Variants in GRID2 observed in about 807,000 individuals in gnomAD.
GRID2 encodes glutamate receptor ionotropic, delta-2.
A neutral mutation model predicts 114.8 loss-of-function variants in GRID2; 33 were observed. The ratio of observed to expected loss-of-function variants is 0.29; its 90% CI spans 0.22 to 0.38. The LOEUF (loss-of-function observed/expected upper bound fraction) is 0.38, where lower values mean the gene tolerates loss of function less well. Ranked by LOEUF, GRID2 falls within the 10% of genes least tolerant of loss-of-function variation. GRID2 has a pLI of 1.00. For missense variants in GRID2, 1,184 were observed against 1,257.7 expected, an observed-to-expected ratio of 0.94 and a Z score of 0.89; for synonymous variants, 505 against 449.9, an observed-to-expected ratio of 1.12 and a Z score of -1.55.
chr4:92,573,060 C>T (rs779789677), intron 1 of GRID2, among the ~76,000 whole-genome samples: 59 of 151,818 alleles, frequency 3.9e-4, no homozygotes, highest in Non-Finnish European at 7.2e-4. Flanking sequence ...GGAGAGTGTA[C>T]GTTTCCAGGA....
At chr4:92,422,471 G>A (rs1458450664) in intron 1 of GRID2, among the ~76,000 whole-genome samples, 1 of 152,020 alleles carries the variant, frequency 6.6e-6, no homozygotes, top group Non-Finnish European at 1.5e-5. Flanking sequence ...GTCTCCCCAA[G>A]CATTCAGGAA....
At chr4:93,060,104 G>A (rs1578873461) in intron 2 of GRID2, among the ~76,000 whole-genome samples, 3 of 152,108 alleles carry the variant, frequency 2.0e-5, no homozygotes, top group Middle Eastern at 6.8e-3. Context: ...CATGGAGAGA[G>A]TTTGCTTTGG....
In GRID2 at chr4:93,315,185, A is replaced by G. The variant is rs151330246; in HGVS notation, c.1245+76695A>G. On this transcript the variant is annotated intron_variant, in intron 8 of 15. Transcript: ENST00000282020. ...TGAGAATTCACTCACCATCACAAGA[A>G]CAGCATGAGGGGAAACTGCCCCCAT... 3.8e-3 allele frequency among the ~76,000 whole-genome samples: 582 copies of G among 152,188 alleles called. 4 individuals carry two copies. The highest frequency in any genetic ancestry group is 0.013 in the African/African-American group (554 of 41,520).
chr4:92,450,749 A>G (rs1278874787), intron 1 of GRID2, among the ~76,000 whole-genome samples: 1 of 150,956 alleles, frequency 6.6e-6, no homozygotes, highest in South Asian at 2.1e-4. Flanking sequence ...CTTTATGTTG[A>G]TCTGTGTCAA....
At chr4:93,533,297 C>CCTTCTTTCCTTT (rs2149516624) in intron 13 of GRID2, among the ~76,000 whole-genome samples, 2 of 132,386 alleles carry the variant, frequency 1.5e-5, no homozygotes, top group South Asian at 4.6e-4. Flanking sequence ...TTCCTTCCTT[C>CCTTCTTTCCTTT]CTTCCTTCCT....
At chr4:93,054,775 T>G (rs1467195527) in intron 2 of GRID2, among the ~76,000 whole-genome samples, 1 of 151,844 alleles carries the variant, frequency 6.6e-6, no homozygotes, top group Non-Finnish European at 1.5e-5. Flanking sequence ...TTCACATTCC[T>G]TTGAAATCTG....
At chr4:92,774,660 A>AG (rs1183135848) in intron 2 of GRID2, among the ~76,000 whole-genome samples, 3 of 147,540 alleles carry the variant, frequency 2.0e-5, no homozygotes, top group Middle Eastern at 3.5e-3. Flanking sequence ...CAGTGGTGCA[A>AG]TCATGGCTCA....
At chr4:92,773,549 C>T (rs1738634964) in intron 2 of GRID2, among the ~76,000 whole-genome samples, 2 of 151,876 alleles carry the variant, frequency 1.3e-5, no homozygotes, top group Non-Finnish European at 1.5e-5. Flanking sequence ...GTCTTTCTAC[C>T]TTCTTTTAAA....
chr4:93,511,270 A>G (rs1421157651), intron 12 of GRID2, among the ~76,000 whole-genome samples: 1 of 152,074 alleles, frequency 6.6e-6, no homozygotes, highest in Non-Finnish European at 1.5e-5. Flanking sequence ...AAAGAGTTTC[A>G]GTGTTTATTG....
intron 2 of GRID2, among the ~76,000 whole-genome samples, chr4:92,783,328 A>C (rs1310918173): frequency 2.0e-5 from 3 of 152,218 alleles, no homozygotes; most frequent in South Asian, 4.1e-4. Context: ...TTACAGTTAG[A>C]AGTGTAGATT....
intron 14 of GRID2, among the ~76,000 whole-genome samples, chr4:93,654,189 C>G (rs1488145990): frequency 1.3e-5 from 2 of 152,106 alleles, no homozygotes; most frequent in Non-Finnish European, 2.9e-5. Flanking sequence ...TCTTCTTAAA[C>G]CATGTGTGAC....
chr4:92,390,440 C>T (rs1388089933), intron 1 of GRID2, among the ~76,000 whole-genome samples: 1 of 152,134 alleles, frequency 6.6e-6, no homozygotes, highest in Non-Finnish European at 1.5e-5. Context: ...AAGGGTGGCT[C>T]TCCCTTGGTC....
intron 8 of GRID2, among the ~76,000 whole-genome samples, chr4:93,294,802 G>A (rs1445134276): frequency 6.6e-6 from 1 of 151,916 alleles, no homozygotes; most frequent in Non-Finnish European, 1.5e-5. Flanking sequence ...TCAGGTGATC[G>A]GCCCGCCTCA....
At chr4:92,800,614 T>C (rs1279762260) in intron 2 of GRID2, among the ~76,000 whole-genome samples, 3 of 151,972 alleles carry the variant, frequency 2.0e-5, no homozygotes. Context: ...ACTGGCATCA[T>C]ATTCACTTTT....
intron 2 of GRID2, among the ~76,000 whole-genome samples, chr4:92,936,862 T>G (rs1750712503): frequency 6.8e-6 from 1 of 146,926 alleles, no homozygotes; most frequent in African/African-American, 2.4e-5. Context: ...GTTTGAATTT[T>G]GTTTTTTATT....
rs1741292265 is a variant in GRID2, at chr4:93,194,518, ACT to A, written c.736-12885_736-12884del. Among the ~76,000 whole-genome samples the A allele has an allele frequency of 2.0e-5, 3 of 152,086 alleles. No homozygotes were observed. In the South Asian group the frequency reaches 6.2e-4, roughly 32 times the overall value. On this transcript the variant is annotated intron_variant, in intron 4 of 15. Coordinates refer to ENST00000282020, the MANE Select transcript of GRID2 (RefSeq NM_001510.4). ...ATTTCTGCTGGACTATTATGTGTGG[ACT>A]GGCAGGTATTGGCATACTTTTCATA...
chr4:92,873,138 G>A (rs1185939190), intron 2 of GRID2, among the ~76,000 whole-genome samples: 1 of 152,026 alleles, frequency 6.6e-6, no homozygotes, highest in Non-Finnish European at 1.5e-5. Context: ...TGGTTTGATT[G>A]TGCTTCTTTG....
At chr4:92,634,750 T>TC (rs893923084) in intron 2 of GRID2, among the ~76,000 whole-genome samples, 22 of 150,186 alleles carry the variant, frequency 1.5e-4, no homozygotes, top group Non-Finnish European at 2.5e-4. Flanking sequence ...TTTTTTTCTT[T>TC]TTTTTTTTTT....
At chr4:93,050,282 T>A (rs933214196) in intron 2 of GRID2, among the ~76,000 whole-genome samples, 1 of 152,242 alleles carries the variant, frequency 6.6e-6, no homozygotes, top group South Asian at 2.1e-4. Flanking sequence ...GTATCTCCTC[T>A]TATTCTTTTA....
Sources: allele counts gnomAD v4.1 joint callset (sites outside exome capture counted in the v4.1 genomes callset), GRCh38; gene constraint gnomAD v4.1.1; transcripts MANE v1.5; gene names NCBI Gene and HGNC (gene_info 2026-07-23, HGNC 2026-07-21).